Variants in ZNF804A observed in about 807,000 individuals in gnomAD.
The protein encoded by ZNF804A is zinc finger protein 804A.
In ZNF804A, 2 loss-of-function variants were observed where a neutral mutation model predicts 16.5. That is an observed-to-expected ratio of 0.12 (90% CI 0.05 to 0.38). ZNF804A has a LOEUF of 0.38. Among genes scored for constraint, ZNF804A ranks in the 10% least tolerant of loss-of-function variants. The probability of loss-of-function intolerance (pLI) is 0.99; values close to 1 mark genes in which losing one functional copy is unlikely to be tolerated. For missense variants in ZNF804A, 1,473 were observed against 1,390.7 expected, an observed-to-expected ratio of 1.06 and a Z score of -0.94; for synonymous variants, 534 against 489.6, an observed-to-expected ratio of 1.09 and a Z score of -1.20.
At chr2:184,860,484 A>G (rs905456767) in intron 1 of ZNF804A, among the ~76,000 whole-genome samples, 6 of 152,196 alleles carry the variant, frequency 3.9e-5, no homozygotes, top group Admixed American at 2.6e-4. Flanking sequence ...TCAAGTGATG[A>G]CCTAATGACT....
At chr2:184,847,076 T>C (rs576076817) in intron 1 of ZNF804A, among the ~76,000 whole-genome samples, 4 of 152,272 alleles carry the variant, frequency 2.6e-5, no homozygotes, top group Admixed American at 1.3e-4. Context: ...AAAGGAGATA[T>C]CACTTTTCAG....
At chr2:184,851,149 T>A (rs1471076427) in intron 1 of ZNF804A, among the ~76,000 whole-genome samples, 1 of 151,892 alleles carries the variant, frequency 6.6e-6, no homozygotes, top group Non-Finnish European at 1.5e-5. Flanking sequence ...TCAAGCTAAT[T>A]AATATATGCA....
At chr2:184,890,439 G>C (rs1684962945) in intron 2 of ZNF804A, among the ~76,000 whole-genome samples, 1 of 152,078 alleles carries the variant, frequency 6.6e-6, no homozygotes, top group African/African-American at 2.4e-5. Flanking sequence ...CTGCAAAAGT[G>C]AAGTGAGTTC....
intron 1 of ZNF804A, among the ~76,000 whole-genome samples, chr2:184,600,049 A>T (rs1170585297): frequency 6.6e-6 from 1 of 152,184 alleles, no homozygotes; most frequent in Non-Finnish European, 1.5e-5. Context: ...GATTCACTGA[A>T]GTCCATGTTT....
At chr2:184,831,125 GAGAGA>G (rs934666127) in intron 1 of ZNF804A, among the ~76,000 whole-genome samples, 44 of 152,168 alleles carry the variant, frequency 2.9e-4, no homozygotes, top group African/African-American at 1.1e-3. Context: ...AATGCGAGAG[GAGAGA>G]AAACAAGATT....
At chr2:184,680,682 G>A (rs1469280408) in intron 1 of ZNF804A, among the ~76,000 whole-genome samples, 1 of 152,248 alleles carries the variant, frequency 6.6e-6, no homozygotes, top group Admixed American at 6.5e-5. Context: ...ACTTGTCCAT[G>A]TTCCTCATTA....
chr2:184,728,858 A>AT (rs1236996873), intron 1 of ZNF804A, among the ~76,000 whole-genome samples: 7 of 152,054 alleles, frequency 4.6e-5, no homozygotes, highest in African/African-American at 1.7e-4. Flanking sequence ...CTATTTGGCT[A>AT]TTTTAAAAAA....
At chr2:184,753,291 A>G (rs1340226952) in intron 1 of ZNF804A, among the ~76,000 whole-genome samples, 1 of 151,720 alleles carries the variant, frequency 6.6e-6, no homozygotes, top group Admixed American at 6.6e-5. Context: ...GCAATAGGCA[A>G]TAGGCTGGAG....
chr2:184,621,739 G>A (rs1408257418), intron 1 of ZNF804A, among the ~76,000 whole-genome samples: 1 of 151,572 alleles, frequency 6.6e-6, no homozygotes, highest in Admixed American at 6.6e-5. Context: ...AAATTATCTG[G>A]ATATTTGTGA....
chr2:184,848,830 C>T (rs951622355), intron 1 of ZNF804A, among the ~76,000 whole-genome samples: 10 of 152,004 alleles, frequency 6.6e-5, no homozygotes, highest in African/African-American at 2.4e-4. Flanking sequence ...GGAATGATAA[C>T]ATCTTAAATT....
At chr2:184,855,875 A>T (rs1695678899) in intron 1 of ZNF804A, among the ~76,000 whole-genome samples, 4 of 152,076 alleles carry the variant, frequency 2.6e-5, no homozygotes, top group Admixed American at 2.6e-4. Context: ...GTCAGGAGAT[A>T]ATAAAATAAT....
At chr2:184,726,437 A>G (rs1217613148) in intron 1 of ZNF804A, among the ~76,000 whole-genome samples, 1 of 151,676 alleles carries the variant, frequency 6.6e-6, no homozygotes, top group Non-Finnish European at 1.5e-5. Flanking sequence ...TAAATAAGGT[A>G]TTGAATTGAA....
chr2:184,645,598 T>C (rs898273476), intron 1 of ZNF804A, among the ~76,000 whole-genome samples: 7 of 152,214 alleles, frequency 4.6e-5, no homozygotes, highest in African/African-American at 1.4e-4. Flanking sequence ...GATAACATTA[T>C]TGGAATATAA....
intron 2 of ZNF804A, among the ~76,000 whole-genome samples, chr2:184,918,399 T>C (rs1685483155): frequency 6.6e-6 from 1 of 152,280 alleles, no homozygotes; most frequent in South Asian, 2.1e-4. Context: ...AAAAATTTGC[T>C]AGTAAGTAAA....
chr2:184,729,962 G>A (rs1693486076), intron 1 of ZNF804A, among the ~76,000 whole-genome samples: 1 of 152,046 alleles, frequency 6.6e-6, no homozygotes, highest in Admixed American at 6.6e-5. Flanking sequence ...GAGTAAATAT[G>A]TGCCATGGAA....
intron 2 of ZNF804A, among the ~76,000 whole-genome samples, chr2:184,909,768 GAT>G (rs1285238244): frequency 6.6e-6 from 1 of 151,822 alleles, no homozygotes; most frequent in Non-Finnish European, 1.5e-5. Flanking sequence ...AAAAGAAACT[GAT>G]ATTTAATAAG....
intron 1 of ZNF804A, among the ~76,000 whole-genome samples, chr2:184,767,852 A>G (rs1694153828): frequency 6.6e-6 from 1 of 152,138 alleles, no homozygotes; most frequent in Non-Finnish European, 1.5e-5. Flanking sequence ...TGTTGCAAAT[A>G]AATAAGGCAG....
intron 1 of ZNF804A, among the ~76,000 whole-genome samples, chr2:184,763,630 C>CTT (rs1188087789): frequency 0.024 from 508 of 21,274 alleles, 152 homozygotes; most frequent in Middle Eastern, 0.11. Context: ...CTTCAAAGTG[C>CTT]TTTTTTTTTT....
intron 1 of ZNF804A, among the ~76,000 whole-genome samples, chr2:184,844,624 A>G (rs1256074745): frequency 6.6e-6 from 1 of 151,038 alleles, no homozygotes; most frequent in Non-Finnish European, 1.5e-5. Flanking sequence ...CCTTTAAAAC[A>G]TATAAATTCA....
Sources: allele counts gnomAD v4.1 joint callset (sites outside exome capture counted in the v4.1 genomes callset), GRCh38; gene constraint gnomAD v4.1.1; transcripts MANE v1.5; gene names NCBI Gene and HGNC (gene_info 2026-07-23, HGNC 2026-07-21).